Variants in CADM2 observed in about 807,000 individuals in gnomAD.
CADM2 encodes cell adhesion molecule 2.
CADM2 carries 12 observed loss-of-function variants against 49.8 expected under a neutral mutation model. The ratio of observed to expected loss-of-function variants is 0.24; its 90% confidence interval spans 0.15 to 0.39. The LOEUF (loss-of-function observed/expected upper bound fraction) is 0.39. Among genes scored for constraint, CADM2 ranks in the 10% least tolerant of loss-of-function variants. The pLI is 1.00. For missense variants in CADM2, 378 were observed against 492.3 expected, an observed-to-expected ratio of 0.77 and a Z score of 2.20; for synonymous variants, 214 against 175.4, an observed-to-expected ratio of 1.22 and a Z score of -1.74.
At chr3:85,548,412 G>A (rs141569990) in intron 1 of CADM2, among the ~76,000 whole-genome samples, 293 of 151,878 alleles carry the variant, frequency 1.9e-3, no homozygotes, top group African/African-American at 6.9e-3. Context: ...AAGGATAAAT[G>A]TGTGCCACCC....
chr3:85,121,395 T>A (rs1431108911), intron 1 of CADM2, among the ~76,000 whole-genome samples: 1 of 152,192 alleles, frequency 6.6e-6, no homozygotes, highest in African/African-American at 2.4e-5. Flanking sequence ...TATTCCTGTA[T>A]GTCTCCAGGG....
chr3:85,295,305 G>A lies in CADM2; in HGVS notation c.61+335637G>A, dbSNP rs551947446. On this transcript the variant is annotated intron_variant, in intron 1 of 9. Transcript: ENST00000383699. ...GTCAGGAAACAACAGGTGCTGGAGA[G>A]GATGTGGAGAAATAGGAACACTTTT... is the stretch of plus-strand genomic sequence containing the variant. 7.2e-5 allele frequency among the ~76,000 whole-genome samples: 11 copies of A among 152,004 alleles called. No homozygotes were observed. In the East Asian group the frequency reaches 2.1e-3, roughly 29 times the overall value.
chr3:86,062,911 A>G (rs1481413453), intron 8 of CADM2, among the ~76,000 whole-genome samples: 1 of 151,578 alleles, frequency 6.6e-6, no homozygotes, highest in Non-Finnish European at 1.5e-5. Context: ...GGAGGCTTAC[A>G]TGTGTGAGGT....
At chr3:85,795,709 G>A (rs2071580677) in intron 2 of CADM2, among the ~76,000 whole-genome samples, 1 of 152,152 alleles carries the variant, frequency 6.6e-6, no homozygotes. Flanking sequence ...GATATTTAGG[G>A]ACAGTTAGTT....
At chr3:85,395,143 A>T (rs2034710995) in intron 1 of CADM2, among the ~76,000 whole-genome samples, 1 of 151,846 alleles carries the variant, frequency 6.6e-6, no homozygotes, top group Non-Finnish European at 1.5e-5. Flanking sequence ...AGCAATAAAG[A>T]TAAATTTAGC....
intron 1 of CADM2, among the ~76,000 whole-genome samples, chr3:85,447,964 T>G (rs2037548532): frequency 1.3e-5 from 2 of 151,994 alleles, no homozygotes; most frequent in East Asian, 1.9e-4. Flanking sequence ...GTGGCAGATA[T>G]ATGAAAGAAA....
At chr3:85,450,949 G>A (rs2107567346) in intron 1 of CADM2, among the ~76,000 whole-genome samples, 1 of 152,124 alleles carries the variant, frequency 6.6e-6, no homozygotes, top group Admixed American at 6.5e-5. Flanking sequence ...AACTGGAACA[G>A]TTTTAAATAT....
At chr3:85,265,147 C>T (rs934965030) in intron 1 of CADM2, among the ~76,000 whole-genome samples, 2 of 151,892 alleles carry the variant, frequency 1.3e-5, no homozygotes, top group African/African-American at 4.8e-5. Flanking sequence ...AATACAGAAT[C>T]CACATTAACT....
chr3:85,341,780 TC>T (rs1415912360), intron 1 of CADM2, among the ~76,000 whole-genome samples: 1 of 152,086 alleles, frequency 6.6e-6, no homozygotes, highest in Non-Finnish European at 1.5e-5. Flanking sequence ...AAAGATTTAA[TC>T]ATTCATTCAA....
intron 1 of CADM2, among the ~76,000 whole-genome samples, chr3:85,435,444 CT>C (rs1355788518): frequency 6.6e-6 from 1 of 152,112 alleles, no homozygotes; most frequent in Non-Finnish European, 1.5e-5. Flanking sequence ...GGTTCCAAGT[CT>C]TTTCTATTGT....
intron 1 of CADM2, among the ~76,000 whole-genome samples, chr3:85,033,617 G>A (rs1438381256): frequency 6.6e-6 from 1 of 152,124 alleles, no homozygotes. Flanking sequence ...AAAATGATAG[G>A]GAAGAAATGA....
intron 7 of CADM2, among the ~76,000 whole-genome samples, chr3:85,943,897 G>C (rs1170943451): frequency 6.6e-6 from 1 of 151,970 alleles, no homozygotes; most frequent in African/African-American, 2.4e-5. Context: ...ACATCAAAAT[G>C]ACAGGATCAA....
intron 1 of CADM2, among the ~76,000 whole-genome samples, chr3:85,688,173 G>A (rs1413453709): frequency 6.6e-6 from 1 of 152,150 alleles, no homozygotes; most frequent in Non-Finnish European, 1.5e-5. Flanking sequence ...TTCACAGAGA[G>A]CCAATAGTTA....
intron 1 of CADM2, among the ~76,000 whole-genome samples, chr3:85,641,652 C>T (rs925783217): frequency 6.6e-6 from 1 of 151,966 alleles, no homozygotes. Context: ...ATGGGCCGGG[C>T]ACGGTGGCTC....
At chr3:85,934,573 T>C (rs1577702898) in intron 6 of CADM2, among the ~76,000 whole-genome samples, 1 of 152,214 alleles carries the variant, frequency 6.6e-6, no homozygotes, top group East Asian at 1.9e-4. Flanking sequence ...TTGTCTTCAA[T>C]GCATTCTCTT....
intron 1 of CADM2, among the ~76,000 whole-genome samples, chr3:85,245,185 A>T (rs940765346): frequency 2.0e-5 from 3 of 152,176 alleles, no homozygotes; most frequent in African/African-American, 4.8e-5. Context: ...TGCTCTGTGG[A>T]TTCAAGAACA....
At chr3:85,487,639 AGAG>A (rs112613086) in intron 1 of CADM2, among the ~76,000 whole-genome samples, 44,502 of 148,524 alleles carry the variant, frequency 0.3, 7,720 homozygotes, top group East Asian at 0.54. Flanking sequence ...AGGAGGACGA[AGAG>A]GAGGAGGAGG....
At chr3:85,697,693 G>C (rs2066614048) in intron 1 of CADM2, among the ~76,000 whole-genome samples, 1 of 152,136 alleles carries the variant, frequency 6.6e-6, no homozygotes, top group African/African-American at 2.4e-5. Context: ...TTGGGACATG[G>C]AATATGTGAA....
At chr3:85,852,097 A>G (rs1002992738) in intron 3 of CADM2, among the ~76,000 whole-genome samples, 3 of 152,090 alleles carry the variant, frequency 2.0e-5, no homozygotes, top group Admixed American at 6.5e-5. Flanking sequence ...ATCCACATAT[A>G]ATTTTTCTAA....
Sources: gnomAD v4.1 joint callset for allele counts (sites outside exome capture counted in the v4.1 genomes callset) on GRCh38, gnomAD v4.1.1 for gene constraint, MANE v1.5 for transcripts, NCBI Gene and HGNC (gene_info 2026-07-23, HGNC 2026-07-21) for gene names.